The following CYP3A43 variants were observed in gnomAD, a reference collection of about 807,000 sequenced individuals.
CYP3A43 encodes the protein cytochrome P450 3A43.
A neutral mutation model predicts 58.0 loss-of-function variants in CYP3A43; 45 were observed. The ratio of observed to expected loss-of-function variants is 0.78; its 90% confidence interval spans 0.61 to 0.99. The LOEUF (loss-of-function observed/expected upper bound fraction) is 0.99. Ranked by LOEUF, CYP3A43 falls within the 50% of genes least tolerant of loss-of-function variation. The probability of loss-of-function intolerance (pLI) is 0.00; values close to 1 mark genes in which losing one functional copy is unlikely to be tolerated. For missense variants in CYP3A43, 593 were observed against 591.9 expected (o/e 1.00, Z -0.02); for synonymous variants, 191 against 201.4 (o/e 0.95, Z 0.44).
intron 9 of CYP3A43, 146 bp downstream of exon 9, chr7:99,857,045 C>A: frequency 9.9e-7 from 1 of 1,010,448 alleles, no homozygotes; most frequent in Non-Finnish European, 1.4e-6. Flanking sequence ...TAAATGATAG[C>A]TGGAGGCACT....
At chr7:99,846,710 G>T (rs933174529) in intron 4 of CYP3A43, among the ~76,000 whole-genome samples, 3 of 151,996 alleles carry the variant, frequency 2.0e-5, no homozygotes, top group Non-Finnish European at 4.4e-5. Flanking sequence ...TTAGCTGAAG[G>T]TTTTTTGTAT....
rs772485834 is a variant in CYP3A43, at chr7:99,848,201, G to A, written c.468G>A (p.Leu156=). The A allele has an allele frequency of 3.1e-6, 5 of 1,614,016 alleles. No homozygotes were observed. The Admixed American group carries it at 8.3e-5, about 27-fold the overall frequency. ...TCATTTCCCAATGTGGAGATATGTT[G>A]GTGAGAAGCCTGAGGCAGGAAGCAG... ...VPIISQCGDM[L]VRSLRQEAEN... is the part of the protein sequence containing the mutation. The change falls in exon 6 of 13, where the codon TTG becomes TTA. Residue 156 remains leucine (L), a synonymous_variant. Coordinates refer to ENST00000354829, the MANE Select transcript of CYP3A43 (RefSeq NM_057095.3).
chr7:99,835,892 G>T (rs371374236), intron 1 of CYP3A43, among the ~76,000 whole-genome samples: 2 of 152,178 alleles, frequency 1.3e-5, no homozygotes, highest in African/African-American at 4.8e-5. Context: ...CAGTAATAAC[G>T]TAACAACAGA....
intron 1 of CYP3A43, among the ~76,000 whole-genome samples, chr7:99,831,917 A>G (rs566734234): frequency 2.0e-5 from 3 of 152,344 alleles, no homozygotes; most frequent in South Asian, 4.1e-4. Flanking sequence ...ATATAGGTCA[A>G]TCACATTTAC....
At position 99,848,262 on chromosome 7, in the gene CYP3A43, G is replaced by A. The variant is rs765036212; in HGVS notation, c.521+8G>A. Reference sequence around the variant, plus strand: ...GTCCATCAACTTGAAAGAGTAAGTAGCACAGTCTTGAGGTTCTGAGCTGTC... The same window carrying A: ...GTCCATCAACTTGAAAGAGTAAGTAACACAGTCTTGAGGTTCTGAGCTGTC... On this transcript the variant is annotated splice_region_variant and intron_variant, in intron 6 of 12. Transcript: ENST00000354829. 32 of 1,613,666 alleles carry A rather than the reference G, an allele frequency of 2.0e-5. No homozygotes were observed. Among genetic ancestry groups the A allele is most frequent in the Non-Finnish European group, 2.6e-5 (31 of 1,179,838 alleles).
chr7:99,836,009 C>T (rs1193200744), intron 1 of CYP3A43, among the ~76,000 whole-genome samples: 6 of 152,162 alleles, frequency 3.9e-5, no homozygotes, highest in East Asian at 1.9e-4. Context: ...AGTCAGCTTC[C>T]GAGATGTAAC....
At chr7:99,841,481 T>G (rs1428480050) in intron 3 of CYP3A43, among the ~76,000 whole-genome samples, 1 of 152,138 alleles carries the variant, frequency 6.6e-6, no homozygotes, top group African/African-American at 2.4e-5. Flanking sequence ...TACTAAAACT[T>G]CCACCTCCCA....
Position 99,861,702 on chromosome 7 carries a change from A to G in CYP3A43, c.1116A>G (p.Arg372=), listed in dbSNP as rs1190493295. The change falls in exon 11 of 13, where the codon AGA becomes AGG. Residue 372 remains arginine (R), a synonymous_variant. Transcript: ENST00000354829. The part of the protein sequence containing the change: ...ETLRLFPVVS[R]VTRVCKKDIE... ...TCAGATTATTCCCAGTTGTTAGTAG[A>G]GTTACGAGAGTCTGCAAGAAAGATA... 16 of 1,614,032 alleles carry G rather than the reference A, an allele frequency of 9.9e-6. No individual in the cohort carries two copies. Among genetic ancestry groups the G allele is most frequent in the Middle Eastern group, 1.6e-4 (1 of 6,082 alleles).
chr7:99,842,888 C>G lies in CYP3A43; in HGVS notation c.219-1255C>G, dbSNP rs192443460. Among the ~76,000 whole-genome samples the G allele has an allele frequency of 1.1e-3, 164 of 152,306 alleles. 3 individuals are homozygous for G. Among genetic ancestry groups the G allele is most frequent in the Admixed American group, 5.4e-3 (82 of 15,300 alleles). On this transcript the variant is annotated intron_variant, in intron 3 of 12. Coordinates refer to ENST00000354829, the MANE Select transcript of CYP3A43 (RefSeq NM_057095.3). ...TTTTAGTATACATATCCTCCTTCCC[C>G]CCATGAACCAGCCCTTAAAACCAAG... is the stretch of plus-strand genomic sequence containing the variant.
Position 99,859,895 on chromosome 7 carries a change from A to G in CYP3A43, c.931A>G (p.Ser311Gly), listed in dbSNP as rs747324245. ...CATTTTTGCTGCCTATGACACAACT[A>G]GCACCACTCTCCCCTTCATTATGTA... ...IIIFAAYDTT[S>G]TTLPFIMYEL... Residue 311 changes from serine (S) to glycine (G), a missense_variant, in exon 10 of 13, where the codon AGC (serine) becomes GGC (glycine). By Grantham distance (56) the Ser-to-Gly change is moderately conservative. Transcript: ENST00000354829. 7.6e-5 allele frequency: 123 copies of G among 1,614,038 alleles called. No individual in the cohort carries two copies. In the Admixed American group the frequency reaches 2.0e-3, roughly 26 times the overall value.
At chr7:99,828,361 C>T (rs1389734741) in intron 1 of CYP3A43, among the ~76,000 whole-genome samples, 175 bp downstream of exon 1, 1 of 152,172 alleles carries the variant, frequency 6.6e-6, no homozygotes, top group Non-Finnish European at 1.5e-5. Context: ...CCTAATACAA[C>T]ATTTGAAAAT....
Position 99,846,424 on chromosome 7 carries a change from G to A in CYP3A43, c.319-1064G>A, listed in dbSNP as rs186022559. 1.8e-4 allele frequency among the ~76,000 whole-genome samples: 27 copies of A among 152,304 alleles called. No individual in the cohort carries two copies. The East Asian group carries it at 2.7e-3, about 15-fold the overall frequency. ...GTAGAAATGTGATTGATTTTTGCAT[G>A]TTGATCTTGTGTTCTACACCCTTGC... On this transcript the variant is annotated intron_variant, in intron 4 of 12. Transcript: ENST00000354829.
chr7:99,829,525 A>G (rs1816756683), intron 1 of CYP3A43, among the ~76,000 whole-genome samples: 1 of 152,208 alleles, frequency 6.6e-6, no homozygotes, highest in Non-Finnish European at 1.5e-5. Context: ...AAATTGCAAC[A>G]ACTTAAAGTC....
At chr7:99,851,339 G>C (rs28600034) in intron 7 of CYP3A43, among the ~76,000 whole-genome samples, 105 of 152,246 alleles carry the variant, frequency 6.9e-4, no homozygotes, top group African/African-American at 2.4e-3. Flanking sequence ...GAATGGAGGC[G>C]TTTTATAGTA....
At chr7:99,865,598 T>A (rs1322842331) in intron 12 of CYP3A43, among the ~76,000 whole-genome samples, 1 of 148,830 alleles carries the variant, frequency 6.7e-6, no homozygotes, top group Non-Finnish European at 1.5e-5. Context: ...TGGATTTGAT[T>A]TTTTAAAATA....
At chr7:99,855,297 G>A (rs1218327008) in intron 7 of CYP3A43, among the ~76,000 whole-genome samples, 1 of 152,180 alleles carries the variant, frequency 6.6e-6, no homozygotes, top group Non-Finnish European at 1.5e-5. Flanking sequence ...AGTAGATAAA[G>A]GCTAAGAAGT....
intron 10 of CYP3A43, 99 bp from the exon 11 acceptor site, chr7:99,861,514 T>C: frequency 1.0e-6 from 1 of 987,396 alleles, no homozygotes; most frequent in Non-Finnish European, 1.5e-6. Context: ...CAGAATGAAT[T>C]ATTCTCTGGA....
intron 1 of CYP3A43, among the ~76,000 whole-genome samples, chr7:99,832,998 G>A (rs567564873): frequency 9.2e-5 from 14 of 152,270 alleles, no homozygotes; most frequent in African/African-American, 1.9e-4. Context: ...ATAGACATAC[G>A]TGAATGAAAT....
chr7:99,839,799 A>G (rs1395687998), intron 3 of CYP3A43, among the ~76,000 whole-genome samples: 2 of 152,198 alleles, frequency 1.3e-5, no homozygotes, highest in African/African-American at 4.8e-5. Context: ...TACATAGGGC[A>G]TGAAAGATTG....
Sources: allele counts gnomAD v4.1 joint callset (sites outside exome capture counted in the v4.1 genomes callset), GRCh38; gene constraint gnomAD v4.1.1; transcripts MANE v1.5; gene names NCBI Gene and HGNC (gene_info 2026-07-23, HGNC 2026-07-21).